Variants in LTBP1 observed in about 807,000 individuals in gnomAD.
The protein encoded by LTBP1 is latent-transforming growth factor beta-binding protein 1.
In LTBP1, 129 loss-of-function variants were observed where a neutral mutation model predicts 207.6. The observed-to-expected ratio is 0.62, with a 90% CI of 0.54 to 0.72. The LOEUF (loss-of-function observed/expected upper bound fraction) is 0.72, where lower values mean the gene tolerates loss of function less well. LTBP1 is among the 30% of genes least tolerant of loss of function. The pLI, the probability that LTBP1 is intolerant of heterozygous loss-of-function variation, is 0.00. For synonymous variants in LTBP1, 963 were observed against 833.7 expected, an observed-to-expected ratio of 1.16 and a Z score of -2.67; for missense variants, 2,281 against 2,217.2, an observed-to-expected ratio of 1.03 and a Z score of -0.58.
intron 7 of LTBP1, among the ~76,000 whole-genome samples, chr2:33,215,890 A>G (rs577101686): frequency 6.6e-6 from 1 of 151,250 alleles, no homozygotes; most frequent in Non-Finnish European, 1.5e-5. Context: ...AATTTTTTGT[A>G]TTTTAGTAGA....
At chr2:33,244,915 G>T (rs2092458474) in intron 10 of LTBP1, among the ~76,000 whole-genome samples, 1 of 151,602 alleles carries the variant, frequency 6.6e-6, no homozygotes, top group Admixed American at 6.6e-5. Flanking sequence ...TTTCACTTTT[G>T]TCACCCAGGC....
chr2:33,182,535 GCCTGTAGTC>G (rs1433505217), intron 5 of LTBP1, among the ~76,000 whole-genome samples: 1 of 151,084 alleles, frequency 6.6e-6, no homozygotes, highest in Non-Finnish European at 1.5e-5. Context: ...GGTGGCAGGT[GCCTGTAGTC>G]CCAGCTACTC....
At chr2:33,191,340 G>A (rs990197127) in intron 7 of LTBP1, among the ~76,000 whole-genome samples, 4 of 152,150 alleles carry the variant, frequency 2.6e-5, no homozygotes, top group Non-Finnish European at 4.4e-5. Context: ...GAATACTTTT[G>A]TCTTATCTGC....
At chr2:33,289,553 A>T (rs753972307) in intron 19 of LTBP1, among the ~76,000 whole-genome samples, 23 of 152,134 alleles carry the variant, frequency 1.5e-4, no homozygotes, top group South Asian at 2.1e-4. Context: ...GTGTGTGGAG[A>T]CAGGGGCTTG....
chr2:33,067,081 A>G (rs1490099394), intron 3 of LTBP1, among the ~76,000 whole-genome samples: 1 of 152,204 alleles, frequency 6.6e-6, no homozygotes, highest in Non-Finnish European at 1.5e-5. Context: ...CTGAGGCAGG[A>G]GGATTCCTTG....
chr2:33,164,361 A>AG (rs2084737401), intron 5 of LTBP1, among the ~76,000 whole-genome samples: 1 of 140,176 alleles, frequency 7.1e-6, no homozygotes, highest in Non-Finnish European at 1.6e-5. Flanking sequence ...GGAAAAAAAA[A>AG]AAAAAAAAAA....
rs111941697 is a variant in LTBP1 at position 33,044,038 on chromosome 2, G to GT, written c.863+22844dup. Among the ~76,000 whole-genome samples the GT allele has an allele frequency of 5.8e-3, 830 of 144,112 alleles. 5 individuals carry two copies. The highest frequency in any genetic ancestry group is 0.012 in the African/African-American group (480 of 39,304). 94.5% of individuals were successfully genotyped at this position (144,112 alleles called of 152,430 possible). On this transcript the variant is annotated intron_variant, in intron 3 of 33. Coordinates refer to ENST00000404816, the MANE Select transcript of LTBP1 (RefSeq NM_206943.4). ...ATATTCACAGTATAGATTTCTGTTC[G>GT]TTTTTTTTTTTTCTTCAAAAGCCTT...
chr2:33,201,395 G>A (rs1478609777), intron 7 of LTBP1, among the ~76,000 whole-genome samples: 10 of 148,544 alleles, frequency 6.7e-5, no homozygotes, highest in South Asian at 2.1e-4. Context: ...ACCAAACACC[G>A]CATATTCTCA....
intron 3 of LTBP1, among the ~76,000 whole-genome samples, chr2:33,102,039 C>G (rs201861000): frequency 6.6e-6 from 1 of 152,044 alleles, no homozygotes; most frequent in East Asian, 1.9e-4. Context: ...AGTATAGGGC[C>G]ACCTCTCTGG....
intron 5 of LTBP1, among the ~76,000 whole-genome samples, chr2:33,185,486 A>G (rs2087101511): frequency 6.6e-6 from 1 of 152,230 alleles, no homozygotes; most frequent in South Asian, 2.1e-4. Flanking sequence ...GGGTGACATC[A>G]GTGTATGATA....
chr2:33,263,166 A>G (rs1311922221), intron 14 of LTBP1, 128 bp from the exon 15 acceptor site: 2 of 663,664 alleles, frequency 3.0e-6, no homozygotes, highest in Non-Finnish European at 5.4e-6. Flanking sequence ...TGGGACATAG[A>G]ACAGTTCTTT....
intron 11 of LTBP1, among the ~76,000 whole-genome samples, chr2:33,256,877 A>G (rs1375614295): frequency 1.3e-5 from 2 of 149,328 alleles, no homozygotes; most frequent in African/African-American, 2.5e-5. Flanking sequence ...TGATCATACT[A>G]TGCAATTTTA....
intron 11 of LTBP1, among the ~76,000 whole-genome samples, chr2:33,254,484 A>T (rs931356740): frequency 1.7e-4 from 25 of 149,624 alleles, no homozygotes; most frequent in Admixed American, 1.7e-3. Context: ...AAATTTTTGC[A>T]CTTAAGTTTT....
At position 33,000,943 on chromosome 2, in the gene LTBP1, TC is replaced by T. The variant is rs1018295299; in HGVS notation, c.566-19964del. Among the ~76,000 whole-genome samples the T allele has an allele frequency of 1.5e-4, 20 of 134,574 alleles. 1 individual carries two copies. The highest frequency in any genetic ancestry group is 4.1e-4 in the African/African-American group (16 of 38,668). The allele number at this position is 134,574 out of a possible 152,430, so 88.3% of individuals were successfully genotyped here. ...TTGCATTTGAAAAGAGGATTTTTTT[TC>T]CAAATTTTGAAAACAAGTCATAGCT... On this transcript the variant is annotated intron_variant, in intron 2 of 33. Transcript: ENST00000404816.
intron 2 of LTBP1, among the ~76,000 whole-genome samples, chr2:32,990,950 C>G (rs1684312768): frequency 6.6e-6 from 1 of 152,118 alleles, no homozygotes; most frequent in Non-Finnish European, 1.5e-5. Context: ...CAGTTCATCT[C>G]TCACAGATAA....
intron 28 of LTBP1, among the ~76,000 whole-genome samples, chr2:33,362,975 G>T (rs531575836): frequency 6.6e-6 from 1 of 152,272 alleles, no homozygotes; most frequent in Non-Finnish European, 1.5e-5. Flanking sequence ...TTGCATTCAA[G>T]TTCCACCAAA....
intron 22 of LTBP1, 94 bp from the exon 23 acceptor site, chr2:33,309,340 A>T (rs2094146843): frequency 1.3e-6 from 1 of 775,344 alleles, no homozygotes; most frequent in Non-Finnish European, 2.0e-6. Flanking sequence ...ATTATAAATG[A>T]TGTAAAATAG....
intron 4 of LTBP1, among the ~76,000 whole-genome samples, chr2:33,123,967 C>A (rs1572739951): frequency 6.6e-6 from 1 of 152,098 alleles, no homozygotes; most frequent in East Asian, 1.9e-4. Flanking sequence ...TGTAAGTTAT[C>A]TTTAGGCAAG....
At chr2:33,144,448 C>G (rs2082865597) in intron 5 of LTBP1, among the ~76,000 whole-genome samples, 1 of 152,160 alleles carries the variant, frequency 6.6e-6, no homozygotes, top group South Asian at 2.1e-4. Flanking sequence ...GAAGCTGTTG[C>G]ATGTTGCCAA....
Sources: gnomAD v4.1 joint callset for allele counts (sites outside exome capture counted in the v4.1 genomes callset) on GRCh38, gnomAD v4.1.1 for gene constraint, MANE v1.5 for transcripts, NCBI Gene and HGNC (gene_info 2026-07-23, HGNC 2026-07-21) for gene names.